The following MYH14 variants were observed in gnomAD, a reference collection of about 807,000 sequenced individuals.
MYH14 encodes myosin heavy chain 14, also known as myosin-14.
Under a neutral mutation model 255.5 loss-of-function variants are expected in MYH14, and 123 were observed. That is an observed-to-expected ratio of 0.48 (90% CI 0.42 to 0.56). MYH14 has a LOEUF of 0.56. Ranked by LOEUF, MYH14 falls within the 20% of genes least tolerant of loss-of-function variation. The pLI, the probability that MYH14 is intolerant of heterozygous loss-of-function variation, is 0.00. For missense variants in MYH14, 2,423 were observed against 2,802.3 expected (o/e 0.86, Z 3.06); for synonymous variants, 1,095 against 1,161.2 (o/e 0.94, Z 1.16).
rs1488806156 is a variant in MYH14 at position 50,230,010 on chromosome 19, G to C, written c.875-515G>C. Among the ~76,000 whole-genome samples the C allele has an allele frequency of 2.0e-5, 3 of 152,160 alleles. No homozygotes were observed. ...GCTCACTGCAACCTCCTCCTCCCGG[G>C]TTCAAGCGATTCTCCTGCCTCAGCC... On this transcript the variant is annotated intron_variant, in intron 8 of 42. Transcript: ENST00000642316. This position sits in a 1 kb window ranked among gnomAD's most constrained non-coding sequence, Gnocchi z 4.7.
At chr19:50,240,322 T>TA (rs1458004891) in intron 10 of MYH14, among the ~76,000 whole-genome samples, 1 of 152,230 alleles carries the variant, frequency 6.6e-6, no homozygotes, top group African/African-American at 2.4e-5. Context: ...CTTATGCCTG[T>TA]AATCCCAGCA....
Position 50,309,872 on chromosome 19 carries a change from C to A in MYH14, c.*82C>A. 1 of 1,420,634 alleles carries A rather than the reference C, an allele frequency of 7.0e-7. No homozygotes were observed. The highest frequency in any genetic ancestry group is 9.7e-7 in the Non-Finnish European group (1 of 1,028,676). 88.0% of individuals were successfully genotyped at this position (1,420,634 alleles called of 1,614,324 possible). On this transcript the variant is annotated 3_prime_UTR_variant, in exon 43 of 43. Transcript: ENST00000642316. ...ACCCCACGGGCCCCTGTCCCAGGAA[C>A]CCCGCCCTCTGACTTCTTGCCCTTT... is the stretch of plus-strand genomic sequence containing the variant.
At chr19:50,209,612 G>A (rs10411173) in intron 1 of MYH14, among the ~76,000 whole-genome samples, 6,938 of 151,576 alleles carry the variant, frequency 0.046, 243 homozygotes, top group African/African-American at 0.1. Flanking sequence ...GTGAAACGCT[G>A]TCTCTACTAA....
In MYH14 at chr19:50,250,552, A is replaced by G; in HGVS notation, c.1694A>G (p.Glu565Gly). Residue 565 changes from glutamate (E) to glycine (G), a missense_variant, in exon 15 of 43, where the codon GAG (glutamate) becomes GGG (glycine). Glu to Gly is a moderately conservative substitution (Grantham distance 98). Coordinates refer to ENST00000642316, the MANE Select transcript of MYH14 (RefSeq NM_001145809.2). The surrounding 1 kb of genome is among the most constrained non-coding windows in gnomAD (Gnocchi z 5.4). ...GGACTCCTGGCCCTGCTGGATGAGG[A>G]GTGCTGGTTCCCGAAGGCCACAGAC... ...PPGLLALLDE[E>G]CWFPKATDKS... The G allele has an allele frequency of 6.2e-7, 1 of 1,613,842 alleles. No individual in the cohort carries two copies. The highest frequency in any genetic ancestry group is 8.5e-7 in the Non-Finnish European group (1 of 1,179,904).
intron 41 of MYH14, chr19:50,308,692 G>A: frequency 3.0e-6 from 1 of 337,416 alleles, no homozygotes; most frequent in Non-Finnish European, 5.4e-6. Context: ...GCCAGGCTGA[G>A]GGGCTGGAAC....
chr19:50,240,871 GC>G (rs1198490876), intron 10 of MYH14, among the ~76,000 whole-genome samples: 2 of 152,164 alleles, frequency 1.3e-5, no homozygotes, highest in Non-Finnish European at 2.9e-5. Flanking sequence ...TCCCAGCTCT[GC>G]CAGCCTATGT....
intron 11 of MYH14, among the ~76,000 whole-genome samples, chr19:50,244,847 A>T (rs1257861028): frequency 6.6e-6 from 1 of 152,102 alleles, no homozygotes; most frequent in East Asian, 1.9e-4. Flanking sequence ...TGATTCTAAA[A>T]GCGTGAGCTC....
intron 18 of MYH14, among the ~76,000 whole-genome samples, chr19:50,258,267 C>A (rs542783104): frequency 6.6e-6 from 1 of 152,038 alleles, no homozygotes; most frequent in Admixed American, 6.6e-5. Context: ...GCCATGTATT[C>A]CTCCCCACTA....
At chr19:50,307,198 C>A in intron 41 of MYH14, 41 bp downstream of exon 41, 3 of 1,280,140 alleles carry the variant, frequency 2.3e-6, no homozygotes, top group Non-Finnish European at 3.3e-6. Flanking sequence ...GAGAGTGTGA[C>A]CACTGGCTGA....
chr19:50,219,012 ATTTTTT>A (rs2032653277), intron 3 of MYH14, among the ~76,000 whole-genome samples: 1 of 42,184 alleles, frequency 2.4e-5, no homozygotes, highest in African/African-American at 3.9e-5. Context: ...GTATATATAT[ATTTTTT>A]ATATATACAC....
At chr19:50,274,709 G>A (rs1281148356) in intron 27 of MYH14, among the ~76,000 whole-genome samples, 4 of 152,074 alleles carry the variant, frequency 2.6e-5, no homozygotes, top group South Asian at 4.1e-4. Context: ...CAGGAGGGTC[G>A]CCTGAGCCCA....
Position 50,250,487 on chromosome 19 carries a change from T to A in MYH14, c.1657-28T>A. On this transcript the variant is annotated intron_variant, in intron 14 of 42. Transcript: ENST00000642316. The surrounding 1 kb of genome is among the most constrained non-coding windows in gnomAD (Gnocchi z 5.4). Reference sequence around the variant, plus strand: ...AGTGTCCAATATGTGGGGATCTGACTTACTCTCCCCCTGCTGTCAATGGCC... The same window carrying A: ...AGTGTCCAATATGTGGGGATCTGACATACTCTCCCCCTGCTGTCAATGGCC... The A allele has an allele frequency of 6.2e-7, 1 of 1,604,082 alleles. No homozygotes were observed. The highest frequency in any genetic ancestry group is 8.5e-7 in the Non-Finnish European group (1 of 1,174,608).
At chr19:50,208,450 A>AAAAACCCAC (rs1290454610) in intron 1 of MYH14, among the ~76,000 whole-genome samples, 2,403 of 151,696 alleles carry the variant, frequency 0.016, 55 homozygotes, top group African/African-American at 0.051. Flanking sequence ...AAACAAACAA[A>AAAAACCCAC]CAAACAAAAA....
At chr19:50,207,257 A>AAGAGAGAGAGAG (rs2031827890) in intron 1 of MYH14, among the ~76,000 whole-genome samples, 31 of 26,992 alleles carry the variant, frequency 1.1e-3, no homozygotes, top group African/African-American at 2.1e-3. Flanking sequence ...GAGAGAGAGA[A>AAGAGAGAGAGAG]AGAGAGAGAG....
At chr19:50,260,863 A>T in intron 20 of MYH14, 148 bp downstream of exon 20, 1 of 664,680 alleles carries the variant, frequency 1.5e-6, no homozygotes, top group South Asian at 1.7e-5. Flanking sequence ...GTGTGCATGC[A>T]TATGTGTGCA....
Position 50,223,460 on chromosome 19 carries a change from C to T in MYH14, c.693+111C>T, listed in dbSNP as rs12460355. 33,055 of 792,794 alleles carry T rather than the reference C, an allele frequency of 0.042. 1,332 individuals are homozygous for T. The highest frequency in any genetic ancestry group is 0.15 in the Admixed American group (7,512 of 49,418). 49.1% of individuals were successfully genotyped at this position (792,794 alleles called of 1,614,324 possible). On this transcript the variant is annotated intron_variant, in intron 5 of 42. Transcript: ENST00000642316. ...CCCTCATGGAGGTCCTTCTCCTAGA[C>T]GCCTATGCCACCTGAGCACCTACTG...
Position 50,282,755 on chromosome 19 carries a change from A to G in MYH14, c.4539+913A>G, listed in dbSNP as rs565205354. Among the ~76,000 whole-genome samples, 90 of 152,182 alleles carry G rather than the reference A, an allele frequency of 5.9e-4. 1 individual carries two copies. The highest frequency in any genetic ancestry group is 1.4e-3 in the Admixed American group (21 of 15,294). On this transcript the variant is annotated intron_variant, in intron 33 of 42. Coordinates refer to ENST00000642316, the MANE Select transcript of MYH14 (RefSeq NM_001145809.2). ...TTTTTTTAAATTGTCATTTCCCTGT[A>G]GGTGGTGCAGTATGTTTTTCTAGCT...
rs1034798305 is a variant in MYH14 at position 50,293,908 on chromosome 19, G to A, written c.5469+221G>A. 7.2e-5 allele frequency among the ~76,000 whole-genome samples: 11 copies of A among 152,136 alleles called. No homozygotes were observed. The highest frequency in any genetic ancestry group is 2.7e-4 in the African/African-American group (11 of 41,422). Reference sequence around the variant, plus strand: ...ATGAATTATGTGGGGAAACAGACATGGGCCAGCAAGTGTGATCATGGAAGT... The same window carrying A: ...ATGAATTATGTGGGGAAACAGACATAGGCCAGCAAGTGTGATCATGGAAGT... On this transcript the variant is annotated intron_variant, in intron 39 of 42. Coordinates refer to ENST00000642316, the MANE Select transcript of MYH14 (RefSeq NM_001145809.2). The surrounding 1 kb of genome is among the most constrained non-coding windows in gnomAD (Gnocchi z 4.1).
At chr19:50,289,079 A>G (rs1568542875) in intron 34 of MYH14, among the ~76,000 whole-genome samples, 1 of 152,078 alleles carries the variant, frequency 6.6e-6, no homozygotes, top group Non-Finnish European at 1.5e-5. Context: ...CAGAATTCCC[A>G]AAGATGAATT....
Sources: gnomAD v4.1 joint callset for allele counts (sites outside exome capture counted in the v4.1 genomes callset) on GRCh38, gnomAD v4.1.1 for gene constraint, Gnocchi (gnomAD v3.1) non-coding constraint, MANE v1.5 for transcripts, NCBI Gene and HGNC (gene_info 2026-07-23, HGNC 2026-07-21) for gene names.